KDM4D: variants seen among roughly 807,000 people sequenced by gnomAD.
The protein encoded by KDM4D is lysine demethylase 4D, also known as lysine-specific demethylase 4D.
For missense variants in KDM4D, 427 were observed against 674.8 expected (o/e 0.63, Z 4.07); for synonymous variants, 254 against 249.1 (o/e 1.02, Z -0.19).
chr11:94,997,577 A>T lies in KDM4D; in HGVS notation c.205A>T (p.Ile69Phe). The T allele has an allele frequency of 6.2e-7, 1 of 1,613,946 alleles. No individual in the cohort carries two copies. Among genetic ancestry groups the T allele is most frequent in the Non-Finnish European group, 8.5e-7 (1 of 1,179,980 alleles). Residue 69 changes from isoleucine to phenylalanine, a missense_variant, in exon 3 of 3, where the codon ATC becomes TTC. Coordinates refer to ENST00000335080, the MANE Select transcript of KDM4D (RefSeq NM_018039.3). Reference protein sequence around the residue: ...ARETYDNISEILIATPLQQVA... With the variant: ...ARETYDNISEFLIATPLQQVA... ...AGAGACCTATGATAATATCAGTGAA[A>T]TCTTAATAGCCACTCCCCTCCAGCA...
At chr11:94,987,824 C>A (rs1565418560) in intron 2 of KDM4D, among the ~76,000 whole-genome samples, 1 of 150,864 alleles carries the variant, frequency 6.6e-6, no homozygotes, top group Admixed American at 6.6e-5. Flanking sequence ...ATTCAGAGAA[C>A]AAAAAAAATT....
chr11:94,983,875 C>T (rs1241043535), intron 2 of KDM4D, among the ~76,000 whole-genome samples: 1 of 152,030 alleles, frequency 6.6e-6, no homozygotes, highest in Non-Finnish European at 1.5e-5. Flanking sequence ...TTAGGATAGC[C>T]ACTAGGTAGA....
At chr11:94,982,639 A>G (rs1857851872) in intron 2 of KDM4D, among the ~76,000 whole-genome samples, 1 of 151,770 alleles carries the variant, frequency 6.6e-6, no homozygotes, top group Non-Finnish European at 1.5e-5. Context: ...GGAAAATTCT[A>G]GAATTAATGG....
intron 2 of KDM4D, among the ~76,000 whole-genome samples, chr11:94,977,276 A>G (rs1857805032): frequency 6.6e-6 from 1 of 152,196 alleles, no homozygotes; most frequent in South Asian, 2.1e-4. Context: ...GATTGAGAGA[A>G]AAGGGGATCC....
At position 94,998,824 on chromosome 11, in the gene KDM4D, G is replaced by C. The variant is rs1858001930; in HGVS notation, c.1452G>C (p.Ser484=). The part of the protein sequence containing the change: ...PLLAGTTCTA[S]GPEPEPLPED... ...TGGCGGGCACAACATGCACAGCTTCGGGCCCAGAACCTGAGCCCCTACCTG... is the reference window on the plus strand; with the variant it reads ...TGGCGGGCACAACATGCACAGCTTCCGGCCCAGAACCTGAGCCCCTACCTG... The change falls in exon 3 of 3, where the codon TCG becomes TCC. Residue 484 remains serine (S), a synonymous_variant. Coordinates refer to ENST00000335080, the MANE Select transcript of KDM4D (RefSeq NM_018039.3). The surrounding 1 kb of genome is among the most constrained non-coding windows in gnomAD (Gnocchi z 6.7). The C allele has an allele frequency of 1.9e-6, 3 of 1,594,094 alleles. No homozygotes were observed. The highest frequency in any genetic ancestry group is 2.6e-6 in the Non-Finnish European group (3 of 1,167,736).
chr11:94,989,551 G>A (rs10501819), intron 2 of KDM4D, among the ~76,000 whole-genome samples: 70,538 of 151,842 alleles, frequency 0.46, 16,896 homozygotes, highest in Non-Finnish European at 0.53. Flanking sequence ...TGGATTTAAA[G>A]GCCAAGTCCC....
chr11:94,979,591 A>G (rs1169065498), intron 2 of KDM4D, among the ~76,000 whole-genome samples: 1 of 152,168 alleles, frequency 6.6e-6, no homozygotes, highest in African/African-American at 2.4e-5. Context: ...ATAAATGTTC[A>G]AAATGTTTAT....
rs587761050 is a variant in KDM4D, at chr11:94,980,733, G to A, written c.-350+4985G>A. On this transcript the variant is annotated intron_variant, in intron 2 of 2. Coordinates refer to ENST00000335080, the MANE Select transcript of KDM4D (RefSeq NM_018039.3). ...TTGGTTGTCTCATTGTTGCTGGTGT[G>A]TAGAAATATCATTGATTTTTATATG... Among the ~76,000 whole-genome samples the A allele has an allele frequency of 2.4e-4, 36 of 152,202 alleles. No individual in the cohort carries two copies. In the South Asian group the frequency reaches 7.3e-3, roughly 31 times the overall value.
chr11:94,996,802 T>G (rs938845654), intron 2 of KDM4D, among the ~76,000 whole-genome samples: 54 of 152,210 alleles, frequency 3.5e-4, no homozygotes, highest in African/African-American at 1.2e-3. Flanking sequence ...TAGAAGAAAC[T>G]GTCCAAATAG....
At chr11:94,978,396 A>G (rs1257367480) in intron 2 of KDM4D, among the ~76,000 whole-genome samples, 2 of 152,212 alleles carry the variant, frequency 1.3e-5, no homozygotes, top group African/African-American at 4.8e-5. Context: ...AAAATGACAC[A>G]TTTTCTAATA....
chr11:94,998,027 C>T lies in KDM4D; in HGVS notation c.655C>T (p.His219Tyr), dbSNP rs587721515. 2.6e-5 allele frequency: 42 copies of T among 1,614,240 alleles called. No individual in the cohort carries two copies. In the Admixed American group the frequency reaches 7.0e-4, roughly 27 times the overall value. The change falls in exon 3 of 3, where the codon CAT (histidine) becomes TAT (tyrosine). Residue 219 changes from histidine to tyrosine, a missense_variant. Transcript: ENST00000335080. The surrounding 1 kb of genome is among the most constrained non-coding windows in gnomAD (Gnocchi z 6.7). Reference protein sequence around the residue: ...PKTWYVVPPEHGQRLERLARE... With the variant: ...PKTWYVVPPEYGQRLERLARE... ...AACTTGGTATGTGGTGCCCCCAGAA[C>T]ATGGCCAGCGCCTGGAACGCCTGGC...
At chr11:94,987,034 G>A (rs1157923257) in intron 2 of KDM4D, among the ~76,000 whole-genome samples, 2 of 152,114 alleles carry the variant, frequency 1.3e-5, no homozygotes, top group African/African-American at 4.8e-5. Flanking sequence ...CCTCAAAAAC[G>A]TGGAGTAAAA....
Position 94,998,161 on chromosome 11 carries a change from C to T in KDM4D, c.789C>T (p.Arg263=). ...AGGAAAATGGGATTCCCTTCAATCG[C>T]ATAACTCAGGAGGCTGGAGAGTTCA... is the stretch of plus-strand genomic sequence containing the variant. ...VLKENGIPFN[R]ITQEAGEFMV... Residue 263 remains arginine, a synonymous_variant, in exon 3 of 3, where the codon CGC becomes CGT. Coordinates refer to ENST00000335080, the MANE Select transcript of KDM4D (RefSeq NM_018039.3). The surrounding 1 kb of genome is among the most constrained non-coding windows in gnomAD (Gnocchi z 6.7). 1 of 1,614,190 alleles carries T rather than the reference C, an allele frequency of 6.2e-7. No individual in the cohort carries two copies. The highest frequency in any genetic ancestry group is 8.5e-7 in the Non-Finnish European group (1 of 1,180,046).
At chr11:94,974,456 C>T (rs1857777702) in intron 1 of KDM4D, among the ~76,000 whole-genome samples, 1 of 152,134 alleles carries the variant, frequency 6.6e-6, no homozygotes. Flanking sequence ...TTCAACTTCC[C>T]CAACTTAGTT....
rs117772835 is a variant in KDM4D, at chr11:94,995,001, G to A, written c.-349-2023G>A. ...AAGCAGTGTTTTCTCCTGAGAGGAC[G>A]GAGAACAGTGAGAAACATGGGGTGT... On this transcript the variant is annotated intron_variant, in intron 2 of 2. Transcript: ENST00000335080. Among the ~76,000 whole-genome samples the A allele has an allele frequency of 9.9e-3, 1,513 of 152,198 alleles. 14 individuals are homozygous for A. Among genetic ancestry groups the A allele is most frequent in the South Asian group, 0.044 (213 of 4,810 alleles).
intron 2 of KDM4D, among the ~76,000 whole-genome samples, chr11:94,983,592 A>G (rs1555097809): frequency 6.6e-6 from 1 of 152,148 alleles, no homozygotes; most frequent in East Asian, 1.9e-4. Context: ...AAAAATCACT[A>G]GAAAAAGAAA....
chr11:94,978,050 G>A (rs1555097176), intron 2 of KDM4D, among the ~76,000 whole-genome samples: 1 of 152,136 alleles, frequency 6.6e-6, no homozygotes, highest in African/African-American at 2.4e-5. Flanking sequence ...ATAAGACCCA[G>A]AAATATGACT....
Position 94,998,809 on chromosome 11 carries a change from A to C in KDM4D, c.1437A>C (p.Thr479=). Reference sequence around the variant, plus strand: ...CCAAGAGGCCCCTCTTGGCGGGCACAACATGCACAGCTTCGGGCCCAGAAC... The same window carrying C: ...CCAAGAGGCCCCTCTTGGCGGGCACCACATGCACAGCTTCGGGCCCAGAAC... The part of the protein sequence containing the change: ...TPAKRPLLAG[T]TCTASGPEPE... The change falls in exon 3 of 3, where the codon ACA becomes ACC. Residue 479 remains threonine, a synonymous_variant. Coordinates refer to ENST00000335080, the MANE Select transcript of KDM4D (RefSeq NM_018039.3). This position sits in a 1 kb window ranked among gnomAD's most constrained non-coding sequence, Gnocchi z 6.7. The C allele has an allele frequency of 6.2e-7, 1 of 1,603,212 alleles. No homozygotes were observed. Among genetic ancestry groups the C allele is most frequent in the Non-Finnish European group, 8.5e-7 (1 of 1,172,684 alleles).
intron 2 of KDM4D, among the ~76,000 whole-genome samples, chr11:94,978,743 T>C (rs1405937697): frequency 6.6e-6 from 1 of 152,182 alleles, no homozygotes; most frequent in East Asian, 1.9e-4. Flanking sequence ...GAAAAAGACA[T>C]GCCAGGCAAA....
Sources: gnomAD v4.1 joint callset for allele counts (sites outside exome capture counted in the v4.1 genomes callset) on GRCh38, gnomAD v4.1.1 for gene constraint, Gnocchi (gnomAD v3.1) non-coding constraint, MANE v1.5 for transcripts, NCBI Gene and HGNC (gene_info 2026-07-23, HGNC 2026-07-21) for gene names.